LOC400499: variants seen among roughly 807,000 people sequenced by gnomAD.
the LOC400499 span, among the ~76,000 whole-genome samples, chr16:11,415,424 C>A: frequency 6.6e-6 from 1 of 152,222 alleles, no homozygotes; most frequent in African/African-American, 2.4e-5. Flanking sequence ...CAGCCCTGAG[C>A]CTCGACTTCC....
the LOC400499 span, among the ~76,000 whole-genome samples, chr16:11,433,530 C>T: frequency 1.3e-5 from 2 of 152,160 alleles, no homozygotes; most frequent in Non-Finnish European, 2.9e-5. Context: ...TGACACAGAG[C>T]TCCTAATCCC....
the LOC400499 span, chr16:11,450,649 C>T: frequency 6.5e-7 from 1 of 1,536,122 alleles, no homozygotes; most frequent in Non-Finnish European, 8.7e-7. Context: ...CTGGATCTTG[C>T]CTTCCCTGTT....
chr16:11,385,900 G>T, the LOC400499 span, among the ~76,000 whole-genome samples: 11 of 152,124 alleles, frequency 7.2e-5, no homozygotes, highest in African/African-American at 2.7e-4. Flanking sequence ...GGCCAGGCAC[G>T]GCGGCGCTAA....
chr16:11,403,318 C>T, the LOC400499 span, among the ~76,000 whole-genome samples: 1 of 152,176 alleles, frequency 6.6e-6, no homozygotes, highest in African/African-American at 2.4e-5. Context: ...AGGGCTAGAA[C>T]CCTTTGTTCC....
chr16:11,446,421 T>C, the LOC400499 span: 5 of 812,320 alleles, frequency 6.2e-6, no homozygotes, highest in Non-Finnish European at 9.8e-6. Flanking sequence ...GCCTCCTGCG[T>C]AGCTAAGATT....
At chr16:11,407,460 CAA>C in the LOC400499 span, 54 of 395,836 alleles carry the variant, frequency 1.4e-4, no homozygotes, top group African/African-American at 1.1e-3. Context: ...GTCCCAGGCC[CAA>C]GAGACCCACA....
At chr16:11,417,663 C>T in the LOC400499 span, 920 of 399,188 alleles carry the variant, frequency 2.3e-3, 2 homozygotes, top group Middle Eastern at 7.5e-3. Flanking sequence ...TAAGGCAGGC[C>T]TCGCCTGGGA....
the LOC400499 span, chr16:11,472,011 T>C: frequency 2.5e-6 from 1 of 393,432 alleles, no homozygotes; most frequent in Non-Finnish European, 4.5e-6. Flanking sequence ...CTGCTGACAT[T>C]TGGGATCAGA....
the LOC400499 span, among the ~76,000 whole-genome samples, chr16:11,506,955 C>T: frequency 1.3e-5 from 2 of 152,308 alleles, no homozygotes; most frequent in African/African-American, 4.8e-5. Context: ...AGCATTTCAC[C>T]CCTCAGCCCA....
the LOC400499 span, among the ~76,000 whole-genome samples, chr16:11,505,679 G>A: frequency 6.6e-6 from 1 of 151,670 alleles, no homozygotes. Flanking sequence ...AACCCCTGGG[G>A]TTTAAGTGAT....
At chr16:11,434,987 C>G in the LOC400499 span, among the ~76,000 whole-genome samples, 14 of 152,146 alleles carry the variant, frequency 9.2e-5, no homozygotes, top group Non-Finnish European at 1.8e-4. Context: ...ATTATTATTA[C>G]TATTTTAGAG....
chr16:11,383,656 G>A, the LOC400499 span: 2 of 1,232,288 alleles, frequency 1.6e-6, no homozygotes, highest in Non-Finnish European at 2.0e-6. Flanking sequence ...CTGTGGAGGA[G>A]GGGCCAGGGG....
the LOC400499 span, among the ~76,000 whole-genome samples, chr16:11,495,216 A>G: frequency 6.8e-6 from 1 of 146,602 alleles, no homozygotes; most frequent in Non-Finnish European, 1.5e-5. Flanking sequence ...CTCCAAAAAA[A>G]AAAAAAAAAA....
the LOC400499 span, among the ~76,000 whole-genome samples, chr16:11,480,457 A>G: frequency 6.6e-6 from 1 of 152,206 alleles, no homozygotes; most frequent in Non-Finnish European, 1.5e-5. Flanking sequence ...CTTGGTCACT[A>G]TCAGATGTAC....
chr16:11,399,364 C>A, the LOC400499 span: 5 of 810,032 alleles, frequency 6.2e-6, no homozygotes, highest in Admixed American at 8.6e-5. Context: ...TGCCCAGGAT[C>A]CCGCAAGCAC....
At chr16:11,460,119 C>T in the LOC400499 span, 3 of 1,256,594 alleles carry the variant, frequency 2.4e-6, no homozygotes, top group Non-Finnish European at 3.0e-6. Flanking sequence ...TGGGCCTCCT[C>T]ATAGCCACCC....
chr16:11,398,321 C>G, the LOC400499 span: 1 of 1,232,232 alleles, frequency 8.1e-7, no homozygotes. Context: ...GGTCCTCCAG[C>G]TGCCCCCTTC....
the LOC400499 span, among the ~76,000 whole-genome samples, chr16:11,404,449 C>T: frequency 7.2e-5 from 11 of 152,246 alleles, no homozygotes; most frequent in Non-Finnish European, 1.2e-4. Context: ...CAGGTTCAAG[C>T]GATTCTCCTG....
chr16:11,503,283 T>C, the LOC400499 span, among the ~76,000 whole-genome samples: 1 of 152,108 alleles, frequency 6.6e-6, no homozygotes. Context: ...TAAAGGGCAT[T>C]ATAGGGGGTG....
Sources: allele counts gnomAD v4.1 joint callset (sites outside exome capture counted in the v4.1 genomes callset), GRCh38; gene constraint gnomAD v4.1.1; transcripts MANE v1.5.